Variants in TBC1D9B observed in about 807,000 individuals in gnomAD.
TBC1D9B encodes the protein TBC1 domain family, member 9B (with GRAM domain).
Under a neutral mutation model 121.1 loss-of-function variants are expected in TBC1D9B, and 87 were observed. That is an observed-to-expected ratio of 0.72 (90% confidence interval 0.60 to 0.86). The LOEUF (loss-of-function observed/expected upper bound fraction) is 0.86, where lower values mean the gene tolerates loss of function less well. TBC1D9B is among the 40% of genes least tolerant of loss of function. The pLI, the probability that TBC1D9B is intolerant of heterozygous loss-of-function variation, is 0.00. For synonymous variants in TBC1D9B, 668 were observed against 670.1 expected (o/e 1.00, Z 0.05); for missense variants, 1,540 against 1,628.6 (o/e 0.95, Z 0.94).
intron 18 of TBC1D9B, chr5:179,867,330 C>T: frequency 8.4e-7 from 1 of 1,184,128 alleles, no homozygotes; most frequent in South Asian, 1.6e-5. Flanking sequence ...AGAACTTATG[C>T]CCCAGAGGAT....
chr5:179,872,937 C>T lies in TBC1D9B; in HGVS notation c.2370G>A (p.Arg790=). 6.2e-7 allele frequency: 1 copy of T among 1,613,912 alleles called. No individual in the cohort carries two copies. Among genetic ancestry groups the T allele is most frequent in the African/African-American group, 1.3e-5 (1 of 74,986 alleles). The change falls in exon 14 of 21, where the codon AGG becomes AGA. Residue 790 remains arginine, a synonymous_variant. Transcript: ENST00000355235. ...EDIEQMRFKQ[R]LKVIQSLEDT... ...CCTCCAAGGACTGGATCACTTTCAG[C>T]CTCTGTTTAAACCGCATCTGCTCAA...
At chr5:179,883,756 G>C (rs924199696) in intron 7 of TBC1D9B, among the ~76,000 whole-genome samples, 3 of 152,118 alleles carry the variant, frequency 2.0e-5, no homozygotes, top group Non-Finnish European at 4.4e-5. Context: ...ATCTGTGGGA[G>C]GTTATCTGGT....
chr5:179,867,605 C>A, intron 18 of TBC1D9B, 173 bp downstream of exon 18: 2 of 1,485,328 alleles, frequency 1.3e-6, no homozygotes, highest in South Asian at 2.4e-5. Context: ...AGGGGGCGGC[C>A]CCAGCCCCCG....
chr5:179,883,092 C>G (rs566335224), intron 7 of TBC1D9B, among the ~76,000 whole-genome samples: 2 of 152,296 alleles, frequency 1.3e-5, no homozygotes, highest in Admixed American at 1.3e-4. Flanking sequence ...CTTCTGGCCT[C>G]AAGTGATCTG....
rs752109421 is a variant in TBC1D9B, at chr5:179,879,718, G to A, written c.1326C>T (p.Ser442=). 1 of 1,614,188 alleles carries A rather than the reference G, an allele frequency of 6.2e-7. No individual in the cohort carries two copies. The highest frequency in any genetic ancestry group is 8.5e-7 in the Non-Finnish European group (1 of 1,180,024). ...CGGTTGGCGCCTCCTGCGCACAGAA[G>A]CTCTGGCGGCTGCTGAGGGGAGAGG... ...SPASPLSSRQ[S]FCAQEAPTAS... The change falls in exon 8 of 21, where the codon AGC becomes AGT. Residue 442 remains serine (S), a synonymous_variant. Transcript: ENST00000355235.
At chr5:179,879,513 GC>G in intron 8 of TBC1D9B, 114 bp downstream of exon 8, 1 of 1,518,684 alleles carries the variant, frequency 6.6e-7, no homozygotes, top group South Asian at 1.2e-5. Flanking sequence ...GGTGGGCACT[GC>G]CCAGCGGTCA....
chr5:179,869,965 C>T (rs1026679030), intron 16 of TBC1D9B, 131 bp from the exon 17 acceptor site: 8 of 999,640 alleles, frequency 8.0e-6, no homozygotes, highest in Non-Finnish European at 1.1e-5. Flanking sequence ...GGGTGAGTCC[C>T]AGATCTCCTG....
chr5:179,888,043 T>C (rs773090126), intron 7 of TBC1D9B, 60 bp downstream of exon 7: 39 of 1,598,466 alleles, frequency 2.4e-5, no homozygotes, highest in Admixed American at 2.0e-4. Flanking sequence ...GGGAGGCTGA[T>C]GGATGCCCTG....
At chr5:179,866,161 C>A in intron 18 of TBC1D9B, 1 of 433,434 alleles carries the variant, frequency 2.3e-6, no homozygotes, top group Admixed American at 3.8e-5. Flanking sequence ...ATACAAGTCT[C>A]AACATGCTGG....
At chr5:179,899,771 C>A (rs1337931173) in intron 2 of TBC1D9B, among the ~76,000 whole-genome samples, 1 of 152,214 alleles carries the variant, frequency 6.6e-6, no homozygotes, top group Non-Finnish European at 1.5e-5. Context: ...GCAGCCGGAG[C>A]TTCCTACAAG....
Position 179,899,707 on chromosome 5 carries a change from A to T in TBC1D9B, c.230-400T>A, listed in dbSNP as rs116946084. Among the ~76,000 whole-genome samples the T allele has an allele frequency of 2.5e-3, 381 of 152,320 alleles. 3 individuals carry two copies. The East Asian group carries it at 0.057, about 23-fold the overall frequency. On this transcript the variant is annotated intron_variant, in intron 2 of 20. Coordinates refer to ENST00000355235, the MANE Select transcript of TBC1D9B (RefSeq NM_015043.4). Reference sequence around the variant, plus strand: ...TAGGTGATTAATCAGACACAGTCATACTTTGTATAAATGAGTCCAGCTCTT... The same window carrying T: ...TAGGTGATTAATCAGACACAGTCATTCTTTGTATAAATGAGTCCAGCTCTT...
chr5:179,896,998 C>G (rs270333), intron 3 of TBC1D9B, among the ~76,000 whole-genome samples: 10,204 of 152,130 alleles, frequency 0.067, 1,097 homozygotes, highest in African/African-American at 0.23. Context: ...CCTCCGCCTC[C>G]CAGGTTCATG....
At chr5:179,897,419 T>A (rs1259666851) in intron 3 of TBC1D9B, among the ~76,000 whole-genome samples, 4 of 151,266 alleles carry the variant, frequency 2.6e-5, no homozygotes, top group African/African-American at 9.7e-5. Flanking sequence ...TCCAAGTGAT[T>A]CTCCTGCCTC....
intron 7 of TBC1D9B, among the ~76,000 whole-genome samples, chr5:179,881,717 A>C (rs1709922132): frequency 6.6e-6 from 1 of 152,146 alleles, no homozygotes. Context: ...CCTGTTAGAA[A>C]GTGTATATTT....
At chr5:179,866,049 C>A (rs1294091851) in intron 18 of TBC1D9B, 161 bp from the exon 19 acceptor site, 4 of 741,876 alleles carry the variant, frequency 5.4e-6, no homozygotes, top group South Asian at 1.7e-5. Context: ...CTGGCCCGCC[C>A]AGCCCCGCCC....
At chr5:179,870,606 T>A in intron 15 of TBC1D9B, 111 bp from the exon 16 acceptor site, 3 of 1,445,048 alleles carry the variant, frequency 2.1e-6, no homozygotes, top group Non-Finnish European at 2.7e-6. Context: ...TGCGGAGCCC[T>A]GGGGCGGTAA....
chr5:179,870,538 G>A (rs374390841), intron 15 of TBC1D9B, 43 bp from the exon 16 acceptor site: 2 of 1,563,608 alleles, frequency 1.3e-6, no homozygotes, highest in Non-Finnish European at 1.7e-6. Flanking sequence ...CGCTAAGCCT[G>A]TGGGTCGAGG....
Position 179,865,295 on chromosome 5 carries a change from C to T in TBC1D9B, c.2980G>A (p.Ala994Thr), listed in dbSNP as rs1759974028. 1 of 1,614,138 alleles carries T rather than the reference C, an allele frequency of 6.2e-7. No homozygotes were observed. Among genetic ancestry groups the T allele is most frequent in the Non-Finnish European group, 8.5e-7 (1 of 1,180,044 alleles). ...YLRMWAKEKE[A>T]QKETIKDLPK... ...AGATCCTTAATCGTCTCCTTCTGAG[C>T]CTCTTTCTCCTTGGCCCACATTCGA... Residue 994 changes from alanine (A) to threonine (T), a missense_variant, in exon 20 of 21, where the codon GCT (alanine) becomes ACT (threonine). Ala to Thr is a moderately conservative substitution (Grantham distance 58). Coordinates refer to ENST00000355235, the MANE Select transcript of TBC1D9B (RefSeq NM_015043.4). The surrounding 1 kb of genome is among the most constrained non-coding windows in gnomAD (Gnocchi z 5.1).
rs935836245 is a variant in TBC1D9B, at chr5:179,902,692, G to T, written c.229+2010C>A. The stretch of plus-strand genomic sequence containing the variant: ...GGGACGGGCAGCTCTTGCTGCCAGA[G>T]ATGGAAATCTCAAGGGCCCATGTTA... On this transcript the variant is annotated intron_variant, in intron 2 of 20. Coordinates refer to ENST00000355235, the MANE Select transcript of TBC1D9B (RefSeq NM_015043.4). The surrounding 1 kb of genome is among the most constrained non-coding windows in gnomAD (Gnocchi z 4.9). 2.6e-5 allele frequency among the ~76,000 whole-genome samples: 4 copies of T among 152,184 alleles called. No homozygotes were observed. The highest frequency in any genetic ancestry group is 5.9e-5 in the Non-Finnish European group (4 of 68,028).
Sources: gnomAD v4.1 joint callset for allele counts (sites outside exome capture counted in the v4.1 genomes callset) on GRCh38, gnomAD v4.1.1 for gene constraint, Gnocchi (gnomAD v3.1) non-coding constraint, MANE v1.5 for transcripts, NCBI Gene and HGNC (gene_info 2026-07-23, HGNC 2026-07-21) for gene names.